Variants in ADGRF3 observed in about 807,000 individuals in gnomAD.
ADGRF3 encodes the protein G protein-coupled receptor 113.
A neutral mutation model predicts 93.2 loss-of-function variants in ADGRF3; 85 were observed. The observed-to-expected ratio is 0.91, with a 90% CI of 0.77 to 1.09. The LOEUF is 1.09. Among genes scored for constraint, ADGRF3 ranks in the 50% least tolerant of loss-of-function variants. ADGRF3 has a pLI of 0.00. For synonymous variants in ADGRF3, 534 were observed against 532.5 expected, an observed-to-expected ratio of 1.00 and a Z score of -0.04; for missense variants, 1,125 against 1,246.2, an observed-to-expected ratio of 0.90 and a Z score of 1.46.
intron 1 of ADGRF3, among the ~76,000 whole-genome samples, chr2:26,330,763 C>G (rs1416827808): frequency 6.6e-6 from 1 of 152,176 alleles, no homozygotes; most frequent in Non-Finnish European, 1.5e-5. Context: ...TGCAATTGCC[C>G]ATTTCTGGAT....
At chr2:26,334,639 G>A (rs565103823) in intron 1 of ADGRF3, among the ~76,000 whole-genome samples, 53 of 152,048 alleles carry the variant, frequency 3.5e-4, no homozygotes, top group Middle Eastern at 3.4e-3. Flanking sequence ...TTCACATTGA[G>A]TCCCTTTGAT....
At chr2:26,330,523 C>T (rs1675704992) in intron 1 of ADGRF3, among the ~76,000 whole-genome samples, 1 of 152,178 alleles carries the variant, frequency 6.6e-6, no homozygotes, top group South Asian at 2.1e-4. Flanking sequence ...GCCTTGCCCT[C>T]TTGGCACCAT....
intron 1 of ADGRF3, among the ~76,000 whole-genome samples, chr2:26,339,114 C>CAAAAAAAAAAAAAAAAAA: frequency 2.5e-5 from 1 of 39,670 alleles, no homozygotes; most frequent in Non-Finnish European, 5.0e-5. Flanking sequence ...GACTCCGTCA[C>CAAAAAAAAAAAAAAAAAA]AAAAAAAAAA....
chr2:26,321,143 T>TTCCACC (rs1675125311), intron 1 of ADGRF3, among the ~76,000 whole-genome samples: 1 of 152,088 alleles, frequency 6.6e-6, no homozygotes, highest in South Asian at 2.1e-4. Flanking sequence ...CCCATTGCAT[T>TTCCACC]TCCACCTCCA....
chr2:26,341,334 C>T (rs1029069221), intron 1 of ADGRF3, among the ~76,000 whole-genome samples: 5 of 152,046 alleles, frequency 3.3e-5, no homozygotes, highest in South Asian at 2.1e-4. Flanking sequence ...GCCAAGATCG[C>T]GCCACTGCAC....
At position 26,319,527 on chromosome 2, in the gene ADGRF3, C is replaced by T. The variant is rs78750787; in HGVS notation, c.115-1965G>A. On this transcript the variant is annotated intron_variant, in intron 1 of 13. Transcript: ENST00000651242. ...AGATAGACTAGAATCCTCCCTCCCT[C>T]CCTTCCTTCCCTTCTTTCTCTCCCT... Among the ~76,000 whole-genome samples the T allele has an allele frequency of 2.4e-3, 316 of 129,688 alleles. 4 individuals are homozygous for T. Among genetic ancestry groups the T allele is most frequent in the African/African-American group, 4.5e-3 (163 of 36,228 alleles). The allele number at this position is 129,688 out of a possible 152,430, so 85.1% of individuals were successfully genotyped here.
intron 1 of ADGRF3, chr2:26,318,934 C>G (rs1260108517): frequency 6.4e-7 from 1 of 1,551,634 alleles, no homozygotes; most frequent in African/African-American, 1.4e-5. Context: ...CCTCTGCAGA[C>G]CTTCCCTGGG....
chr2:26,313,254 C>G, intron 8 of ADGRF3, 123 bp downstream of exon 8: 1 of 1,426,490 alleles, frequency 7.0e-7, no homozygotes, highest in Non-Finnish European at 9.6e-7. Context: ...GCTAGGGCTC[C>G]ACTTCAGAGA....
intron 12 of ADGRF3, 88 bp from the exon 13 acceptor site, chr2:26,309,669 C>T: frequency 6.6e-7 from 1 of 1,511,380 alleles, no homozygotes; most frequent in Non-Finnish European, 9.0e-7. Context: ...TTTACTTTCT[C>T]ACATGCACTC....
chr2:26,309,977 G>T, intron 12 of ADGRF3, 66 bp downstream of exon 12: 1 of 1,614,032 alleles, frequency 6.2e-7, no homozygotes, highest in Non-Finnish European at 8.5e-7. Context: ...CCTCTGAGGA[G>T]GGCCATGGAA....
rs1676762794 is a variant in ADGRF3, at chr2:26,346,440, T to C, written c.-206A>G. The C allele has an allele frequency of 2.1e-6, 2 of 973,030 alleles. No homozygotes were observed. The highest frequency in any genetic ancestry group is 3.0e-5 in the East Asian group (1 of 33,592). 60.3% of individuals were successfully genotyped at this position (973,030 alleles called of 1,614,324 possible). A position where few individuals can be genotyped will look rare whatever the true frequency, so the allele number is the denominator to read the frequency against. Reference sequence around the variant, plus strand: ...CCGGAGGTCCTGCGGGTCCTGGGGATTGGGGGTCGGGGAGCGTGGGAGCAT... The same window carrying C: ...CCGGAGGTCCTGCGGGTCCTGGGGACTGGGGGTCGGGGAGCGTGGGAGCAT... On this transcript the variant is annotated 5_prime_UTR_variant, in exon 1 of 14. Transcript: ENST00000651242.
intron 9 of ADGRF3, among the ~76,000 whole-genome samples, chr2:26,312,419 G>A (rs1409856468): frequency 6.6e-6 from 1 of 152,226 alleles, no homozygotes; most frequent in Non-Finnish European, 1.5e-5. Flanking sequence ...TGCAAAGCTA[G>A]GAATGGTGAC....
At chr2:26,314,021 G>C (rs13001136) in intron 6 of ADGRF3, 118 bp from the exon 7 acceptor site, 2 of 1,298,700 alleles carry the variant, frequency 1.5e-6, no homozygotes, top group Non-Finnish European at 1.1e-6. Flanking sequence ...AAGCAGTGGG[G>C]AAGAGCCAAA....
rs867885680 is a variant in ADGRF3 at position 26,318,868 on chromosome 2, C to T, written c.115-1306G>A. The T allele has an allele frequency of 3.2e-6, 5 of 1,543,032 alleles. No homozygotes were observed. The Middle Eastern group carries it at 5.0e-4, about 155-fold the overall frequency. On this transcript the variant is annotated intron_variant, in intron 1 of 13. Coordinates refer to ENST00000651242, the MANE Select transcript of ADGRF3 (RefSeq NM_001321971.2). ...TCCTCTCCCCTCAGCCCTTTCCCCACTACCTATCCTTTCATTCCATGCTTT... is the reference window on the plus strand; with the variant it reads ...TCCTCTCCCCTCAGCCCTTTCCCCATTACCTATCCTTTCATTCCATGCTTT...
intron 1 of ADGRF3, among the ~76,000 whole-genome samples, chr2:26,332,786 T>C (rs958084958): frequency 5.9e-5 from 9 of 152,096 alleles, no homozygotes; most frequent in African/African-American, 2.2e-4. Flanking sequence ...GTTAATTTTT[T>C]TTTCTATTTT....
chr2:26,313,108 G>A lies in ADGRF3; in HGVS notation c.1284C>T (p.Gly428=). 6.2e-7 allele frequency: 1 copy of A among 1,613,838 alleles called. No individual in the cohort carries two copies. Residue 428 remains glycine, a synonymous_variant, in exon 9 of 14, where the codon GGC becomes GGT. Transcript: ENST00000651242. The part of the protein sequence containing the change: ...LFTRTKLLQA[G]QGSPAEEVPQ... The stretch of plus-strand genomic sequence containing the variant: ...GCACCTCCTCAGCAGGACTGCCCTG[G>A]CCTGCCTGCAGCAGCTGAGACAGAC...
intron 1 of ADGRF3, among the ~76,000 whole-genome samples, chr2:26,324,668 G>A (rs1675345290): frequency 6.6e-6 from 1 of 152,130 alleles, no homozygotes; most frequent in Non-Finnish European, 1.5e-5. Flanking sequence ...CTTTTTTATG[G>A]CTGCATAGTA....
At chr2:26,336,722 T>TAAAAAAAAA (rs57691864) in intron 1 of ADGRF3, among the ~76,000 whole-genome samples, 9 of 22,082 alleles carry the variant, frequency 4.1e-4, no homozygotes, top group Admixed American at 5.5e-4. Flanking sequence ...TGAGACTCCA[T>TAAAAAAAAA]AAAAAAAAAA....
At position 26,346,600 on chromosome 2, in the gene ADGRF3, A is replaced by T. The variant is rs977390890; in HGVS notation, c.-366T>A. The stretch of plus-strand genomic sequence containing the variant: ...ATTATTTTCGTAAGCCCCCGAAAGG[A>T]TGGAGTTCCTTCTGTTGTGTCAATC... On this transcript the variant is annotated 5_prime_UTR_variant, in exon 1 of 14. Transcript: ENST00000651242. The T allele has an allele frequency of 4.2e-6, 1 of 238,694 alleles. No individual in the cohort carries two copies. The highest frequency in any genetic ancestry group is 8.1e-6 in the Non-Finnish European group (1 of 123,154). 14.8% of individuals were successfully genotyped at this position (238,694 alleles called of 1,614,324 possible). A position where few individuals can be genotyped will look rare whatever the true frequency, so the allele number is the denominator to read the frequency against.
Sources: gnomAD v4.1 joint callset for allele counts (sites outside exome capture counted in the v4.1 genomes callset) on GRCh38, gnomAD v4.1.1 for gene constraint, MANE v1.5 for transcripts, NCBI Gene and HGNC (gene_info 2026-07-23, HGNC 2026-07-21) for gene names.